TIA1: variants seen among roughly 807,000 people sequenced by gnomAD.
TIA1 encodes the protein cytotoxic granule associated RNA binding protein TIA1.
In TIA1, 23 loss-of-function variants were observed where a neutral mutation model predicts 65.9. That is an observed-to-expected ratio of 0.35 (90% CI 0.25 to 0.49). The LOEUF (loss-of-function observed/expected upper bound fraction) is 0.49. TIA1 is among the 20% of genes least tolerant of loss of function. TIA1 has a pLI of 0.98. For missense variants in TIA1, 371 were observed against 477.9 expected, an observed-to-expected ratio of 0.78 and a Z score of 2.09; for synonymous variants, 147 against 149.4, an observed-to-expected ratio of 0.98 and a Z score of 0.12.
Position 70,216,486 on chromosome 2 carries a change from C to G in TIA1, c.597G>C (p.Gln199His), listed in dbSNP as rs202123982. Residue 199 changes from glutamine to histidine, a missense_variant, in exon 9 of 13, where the codon CAG becomes CAC. Physicochemically the swap from Gln to His is conservative, Grantham distance 24. Coordinates refer to ENST00000433529, the MANE Select transcript of TIA1 (RefSeq NM_022173.4). Reference protein sequence around the residue: ...PKSTYESNTKQLSYDEVVNQS... With the variant: ...PKSTYESNTKHLSYDEVVNQS... ...GATTTACAACCTCATCATATGATAGCTGTTTGGTATTTGCTGGTGAGAGAA... is the reference window on the plus strand; with the variant it reads ...GATTTACAACCTCATCATATGATAGGTGTTTGGTATTTGCTGGTGAGAGAA... The G allele has an allele frequency of 6.2e-7, 1 of 1,613,582 alleles. No individual in the cohort carries two copies. The highest frequency in any genetic ancestry group is 1.3e-5 in the African/African-American group (1 of 75,022).
At chr2:70,224,040 C>T (rs972630640) in intron 7 of TIA1, among the ~76,000 whole-genome samples, 1 of 152,066 alleles carries the variant, frequency 6.6e-6, no homozygotes, top group Non-Finnish European at 1.5e-5. Context: ...GCCTCAGCTT[C>T]CCGAGTAGCT....
chr2:70,241,251 C>T (rs1035734833), intron 1 of TIA1, among the ~76,000 whole-genome samples: 2 of 151,904 alleles, frequency 1.3e-5, no homozygotes, highest in African/African-American at 4.8e-5. Flanking sequence ...ACCATCCTGG[C>T]CAACATAGTG....
At chr2:70,245,623 T>C (rs371155772) in intron 1 of TIA1, among the ~76,000 whole-genome samples, 9 of 152,226 alleles carry the variant, frequency 5.9e-5, no homozygotes, top group African/African-American at 2.2e-4. Flanking sequence ...ACATCACCCA[T>C]ATGCTCACTA....
In TIA1 at chr2:70,217,429, G is replaced by A. The variant is rs532754275; in HGVS notation, c.475-435C>T. On this transcript the variant is annotated intron_variant, in intron 7 of 12. Coordinates refer to ENST00000433529, the MANE Select transcript of TIA1 (RefSeq NM_022173.4). ...CTTTTTTTTTTCTTTTTTAAGTCTC[G>A]CTCTGTGGCCCAGGCTGGAGTGTAA... Among the ~76,000 whole-genome samples, 10 of 151,062 alleles carry A rather than the reference G, an allele frequency of 6.6e-5. No individual in the cohort carries two copies. In the South Asian group the frequency reaches 1.9e-3, roughly 28 times the overall value.
rs765923218 is a variant in TIA1, at chr2:70,212,755, A to G, written c.1125T>C (p.Pro375=). The part of the protein sequence containing the change: ...GQNGSMLPNQ[P]SGYRVAGYET... ...CATACCCTGCCACTCGATACCCAGA[A>G]GGCTGATTGGGCAACATGCTGCCAT... Residue 375 remains proline (P), a synonymous_variant, in exon 13 of 13, where the codon CCT becomes CCC. Coordinates refer to ENST00000433529, the MANE Select transcript of TIA1 (RefSeq NM_022173.4). The G allele has an allele frequency of 6.2e-7, 1 of 1,614,112 alleles. No individual in the cohort carries two copies. The highest frequency in any genetic ancestry group is 1.1e-5 in the South Asian group (1 of 91,080).
rs74961608 is a variant in TIA1, at chr2:70,246,488, C to T, written c.26+1917G>A. Among the ~76,000 whole-genome samples, 577 of 152,228 alleles carry T rather than the reference C, an allele frequency of 3.8e-3. 4 individuals are homozygous for T. The highest frequency in any genetic ancestry group is 0.013 in the African/African-American group (557 of 41,544). On this transcript the variant is annotated intron_variant, in intron 1 of 12. Coordinates refer to ENST00000433529, the MANE Select transcript of TIA1 (RefSeq NM_022173.4). ...GAGTTTGGGTTGAGGGAGGTAGAAA[C>T]AAGAGAAGACTTTTACAGTATGACT...
At chr2:70,224,483 T>G in intron 7 of TIA1, 71 bp downstream of exon 7, 1 of 1,592,036 alleles carries the variant, frequency 6.3e-7, no homozygotes, top group Middle Eastern at 1.7e-4. Flanking sequence ...AAAAAAAGAT[T>G]AGTAATTAAA....
intron 9 of TIA1, 48 bp from the exon 10 acceptor site, chr2:70,216,340 A>G (rs754500763): frequency 3.8e-6 from 6 of 1,581,956 alleles, no homozygotes; most frequent in Non-Finnish European, 3.4e-6. Flanking sequence ...AGTTATATAA[A>G]AATCCTACAA....
intron 7 of TIA1, among the ~76,000 whole-genome samples, chr2:70,221,006 A>AAT (rs984943482): frequency 2.4e-4 from 37 of 151,400 alleles, no homozygotes; most frequent in African/African-American, 7.5e-4. Context: ...CCTACAAAAA[A>AAT]ATATATATAT....
Position 70,212,327 on chromosome 2 carries a change from T to A in TIA1, c.*392A>T, listed in dbSNP as rs13411462. The stretch of plus-strand genomic sequence containing the variant: ...TCTGCACAGTTTTGGTTTTTTTTTT[T>A]AACATCTTTATATTACATGTTTTAA... On this transcript the variant is annotated 3_prime_UTR_variant, in exon 13 of 13. Transcript: ENST00000433529. 0.029 allele frequency: 4,782 copies of A among 163,250 alleles called. 265 individuals are homozygous for A. Among genetic ancestry groups the A allele is most frequent in the African/African-American group, 0.11 (4,483 of 41,582 alleles). 10.1% of individuals were successfully genotyped at this position (163,250 alleles called of 1,614,324 possible).
At chr2:70,221,869 C>T (rs1310756732) in intron 7 of TIA1, among the ~76,000 whole-genome samples, 1 of 151,700 alleles carries the variant, frequency 6.6e-6, no homozygotes, top group East Asian at 1.9e-4. Context: ...CTCACTGGAT[C>T]CTCAACTTCC....
intron 2 of TIA1, among the ~76,000 whole-genome samples, chr2:70,231,124 CCT>C (rs1321267736): frequency 6.6e-6 from 1 of 151,820 alleles, no homozygotes; most frequent in Non-Finnish European, 1.5e-5. Context: ...GTGGTGAAAC[CCT>C]GTCTCTATTA....
chr2:70,212,961 A>C, intron 12 of TIA1, 116 bp from the exon 13 acceptor site: 1 of 696,204 alleles, frequency 1.4e-6, no homozygotes, highest in Non-Finnish European at 2.5e-6. Context: ...ACTTTTTCTT[A>C]ATCCCAAATA....
chr2:70,229,220 G>A (rs1434201611), intron 4 of TIA1, 44 bp downstream of exon 4: 3 of 1,607,316 alleles, frequency 1.9e-6, no homozygotes, highest in Non-Finnish European at 2.6e-6. Flanking sequence ...AAAACTACTG[G>A]GTACAATAAA....
Position 70,212,612 on chromosome 2 carries a change from G to T in TIA1, c.*107C>A. The stretch of plus-strand genomic sequence containing the variant: ...AATGAATCTTTTAAATAAATACATT[G>T]TATCTGACATTTGCACTGACTGATT... On this transcript the variant is annotated 3_prime_UTR_variant, in exon 13 of 13. Coordinates refer to ENST00000433529, the MANE Select transcript of TIA1 (RefSeq NM_022173.4). 1 of 652,050 alleles carries T rather than the reference G, an allele frequency of 1.5e-6. No individual in the cohort carries two copies. 40.4% of individuals were successfully genotyped at this position (652,050 alleles called of 1,614,324 possible). A position where few individuals can be genotyped will look rare whatever the true frequency, so the allele number is the denominator to read the frequency against.
chr2:70,224,686 T>G lies in TIA1; in HGVS notation c.399-57A>C, dbSNP rs1482300552. 4 of 1,586,110 alleles carry G rather than the reference T, an allele frequency of 2.5e-6. No homozygotes were observed. In the African/African-American group the frequency reaches 4.1e-5, roughly 16 times the overall value. On this transcript the variant is annotated intron_variant, in intron 6 of 12. Coordinates refer to ENST00000433529, the MANE Select transcript of TIA1 (RefSeq NM_022173.4). ...TGCAAACTATCCTCTGGATATCAAA[T>G]AAGAATTTCACACACAACTCATTCT...
rs751349454 is a variant in TIA1 at position 70,229,296 on chromosome 2, G to A, written c.245C>T (p.Thr82Ile). Residue 82 changes from threonine (T) to isoleucine (I), a missense_variant, in exon 4 of 13, where the codon ACA (threonine) becomes ATA (isoleucine). Coordinates refer to ENST00000433529, the MANE Select transcript of TIA1 (RefSeq NM_022173.4). The stretch of plus-strand genomic sequence containing the variant: ...ATCTTTCTTTTGACTGCTAGGGGTT[G>A]TTGCCCAATTCACTTTGACTTCCTA... ...MGKEVKVNWATTPSSQKKDTS... is the reference protein window; with the variant it reads ...MGKEVKVNWAITPSSQKKDTS... The A allele has an allele frequency of 3.1e-6, 5 of 1,612,508 alleles. No homozygotes were observed. Among genetic ancestry groups the A allele is most frequent in the Admixed American group, 1.7e-5 (1 of 59,726 alleles).
chr2:70,236,164 T>TTACC lies in TIA1; in HGVS notation c.34_37dup (p.Asn13ArgfsTer2). On this transcript the variant is annotated stop_gained and frameshift_variant, in exon 2 of 13. Coordinates refer to ENST00000433529, the MANE Select transcript of TIA1 (RefSeq NM_022173.4). LOFTEE classifies it high-confidence loss of function. ...AGCTTCTGTCACATCTCTGGAAAGGTTACCGACGTATCTGAAACACAAAGA... is the reference window on the plus strand; with the variant it reads ...AGCTTCTGTCACATCTCTGGAAAGGTTACCTACCGACGTATCTGAAACACAAAGA... 1 of 1,607,336 alleles carries TTACC rather than the reference T, an allele frequency of 6.2e-7. No homozygotes were observed. The highest frequency in any genetic ancestry group is 8.5e-7 in the Non-Finnish European group (1 of 1,175,528).
rs773321500 is a variant in TIA1, at chr2:70,229,089, T to C, written c.280A>G (p.Ser94Gly). 2 of 1,613,526 alleles carry C rather than the reference T, an allele frequency of 1.2e-6. No homozygotes were observed. The highest frequency in any genetic ancestry group is 1.7e-6 in the Non-Finnish European group (2 of 1,179,766). Residue 94 changes from serine to glycine, a missense_variant and splice_region_variant, in exon 5 of 13, where the codon AGT (serine) becomes GGT (glycine). Ser to Gly is a moderately conservative substitution (Grantham distance 56). Transcript: ENST00000433529. ...PSSQKKDTSS[S>G]TVVSTQRSQD... is the part of the protein sequence containing the mutation. ...GAACGCTGTGTGCTGACAACGGTAC[T>C]ACCTGATGACAAAGATTAGATTTGT...
Sources: allele counts gnomAD v4.1 joint callset (sites outside exome capture counted in the v4.1 genomes callset), GRCh38; gene constraint gnomAD v4.1.1; transcripts MANE v1.5; gene names NCBI Gene and HGNC (gene_info 2026-07-23, HGNC 2026-07-21).